Variants in CSF2RB observed in about 807,000 individuals in gnomAD.
The protein encoded by CSF2RB is colony stimulating factor 2 receptor subunit beta, also known as cytokine receptor common subunit beta.
CSF2RB carries 22 observed loss-of-function variants against 67.2 expected under a neutral mutation model. That is an observed-to-expected ratio of 0.33 (90% CI 0.23 to 0.47). CSF2RB has a LOEUF of 0.47. CSF2RB is among the 20% of genes least tolerant of loss of function. The probability of loss-of-function intolerance (pLI) is 1.00; values close to 1 mark genes in which losing one functional copy is unlikely to be tolerated. For synonymous variants in CSF2RB, 507 were observed against 482.9 expected, an observed-to-expected ratio of 1.05 and a Z score of -0.65; for missense variants, 1,113 against 1,174.5, an observed-to-expected ratio of 0.95 and a Z score of 0.76.
At chr22:36,931,867 G>A (rs1352312054) in intron 8 of CSF2RB, among the ~76,000 whole-genome samples, 1 of 152,076 alleles carries the variant, frequency 6.6e-6, no homozygotes, top group African/African-American at 2.4e-5. Flanking sequence ...GCTTTATTGG[G>A]GATTTTCTGG....
At chr22:36,935,538 C>T in intron 11 of CSF2RB, 92 bp from the exon 12 acceptor site, 1 of 1,607,808 alleles carries the variant, frequency 6.2e-7, no homozygotes, top group African/African-American at 1.3e-5. Flanking sequence ...CTGCCGCTCC[C>T]TTCCTGGGCC....
rs749965216 is a variant in CSF2RB, at chr22:36,930,509, G to A, written c.853G>A (p.Gly285Arg). ...ATTCTACAAGCCCAGCCCAGATGCA[G>A]GGTGAGCATCTTTTTTCTCCATCCC... ...GLFYKPSPDA[G>R]EEECSPVLRE... Residue 285 changes from glycine to arginine, a missense_variant and splice_region_variant, in exon 7 of 14, where the codon GGG becomes AGG. By Grantham distance (125) the Gly-to-Arg change is moderately radical. Transcript: ENST00000403662. 10 of 1,613,282 alleles carry A rather than the reference G, an allele frequency of 6.2e-6. No homozygotes were observed. Among genetic ancestry groups the A allele is most frequent in the African/African-American group, 5.3e-5 (4 of 74,884 alleles).
At chr22:36,936,474 C>T in intron 12 of CSF2RB, 75 bp from the exon 13 acceptor site, 1 of 1,135,864 alleles carries the variant, frequency 8.8e-7, no homozygotes, top group Middle Eastern at 2.8e-4. Flanking sequence ...TCCTCCTGCA[C>T]CCCCGTCACC....
Position 36,938,543 on chromosome 22 carries a change from G to T in CSF2RB, c.*41G>T. On this transcript the variant is annotated 3_prime_UTR_variant, in exon 14 of 14. Coordinates refer to ENST00000403662, the MANE Select transcript of CSF2RB (RefSeq NM_000395.3). ...ACAGGCAAGGGGATGGAGAGGGCTT[G>T]CCTTCCCTCCCGCCTGACCTTCCTC... The T allele has an allele frequency of 1.3e-6, 2 of 1,574,584 alleles. No homozygotes were observed. The highest frequency in any genetic ancestry group is 1.7e-6 in the Non-Finnish European group (2 of 1,159,134).
intron 1 of CSF2RB, among the ~76,000 whole-genome samples, chr22:36,919,779 G>C (rs1160920877): frequency 6.6e-6 from 1 of 152,112 alleles, no homozygotes; most frequent in Non-Finnish European, 1.5e-5. Context: ...TCTTTGCATA[G>C]AAGTGTCTTC....
chr22:36,940,266 T>A lies in CSF2RB; in HGVS notation c.*1764T>A, dbSNP rs1941356402. 6.6e-6 allele frequency: 1 copy of A among 152,272 alleles called. No individual in the cohort carries two copies. Among genetic ancestry groups the A allele is most frequent in the Non-Finnish European group, 1.5e-5 (1 of 68,054 alleles). The allele number at this position is 152,272 out of a possible 1,614,324, so 9.4% of individuals were successfully genotyped here. A position where few individuals can be genotyped will look rare whatever the true frequency, so the allele number is the denominator to read the frequency against. ...AAGAAAATGATAAACAACTTGAATG[T>A]TCAATGGTCCTGAAATACATAACAA... On this transcript the variant is annotated 3_prime_UTR_variant, in exon 14 of 14. Coordinates refer to ENST00000403662, the MANE Select transcript of CSF2RB (RefSeq NM_000395.3).
chr22:36,914,533 G>A (rs1470861738), intron 1 of CSF2RB, among the ~76,000 whole-genome samples: 1 of 152,022 alleles, frequency 6.6e-6, no homozygotes, highest in African/African-American at 2.4e-5. Flanking sequence ...TGCTGGCTGG[G>A]TGGGTGGGTA....
rs1941318238 is a variant in CSF2RB at position 36,938,257 on chromosome 22, C to G, written c.2449C>G (p.Gln817Glu). The change falls in exon 14 of 14, where the codon CAG (glutamine) becomes GAG (glutamate). Residue 817 changes from glutamine to glutamate, a missense_variant. By Grantham distance (29) the Gln-to-Glu change is conservative (BLOSUM62 2). Coordinates refer to ENST00000403662, the MANE Select transcript of CSF2RB (RefSeq NM_000395.3). ...SPQPEGLLVL[Q>E]QVGDYCFLPG... ...ACAGCCCGAGGGCCTCCTTGTCCTG[C>G]AGCAAGTGGGCGACTATTGCTTCCT... 6.2e-7 allele frequency: 1 copy of G among 1,614,078 alleles called. No individual in the cohort carries two copies. The highest frequency in any genetic ancestry group is 1.7e-5 in the Admixed American group (1 of 60,014).
intron 1 of CSF2RB, among the ~76,000 whole-genome samples, chr22:36,919,252 C>T (rs1288003352): frequency 6.6e-6 from 1 of 152,198 alleles, no homozygotes; most frequent in Non-Finnish European, 1.5e-5. Flanking sequence ...CTCTCCACCC[C>T]CTGCTTCTGA....
At chr22:36,931,111 C>T (rs563174080) in intron 8 of CSF2RB, among the ~76,000 whole-genome samples, 1 of 152,254 alleles carries the variant, frequency 6.6e-6, no homozygotes, top group African/African-American at 2.4e-5. Context: ...GCCACACCCT[C>T]CTGGTCCTGT....
Position 36,937,707 on chromosome 22 carries a change from TG to T in CSF2RB, c.1905del (p.Gln636ArgfsTer62). On this transcript the variant is annotated frameshift_variant, in exon 14 of 14. Coordinates refer to ENST00000403662, the MANE Select transcript of CSF2RB (RefSeq NM_000395.3). LOFTEE classifies it low-confidence loss of function (END_TRUNC). The surrounding 1 kb of genome is among the most constrained non-coding windows in gnomAD (Gnocchi z 4.6). ...GSLEYLCLPA[G>X]GQVQLVPLAQ... ...CCCTGGAGTACCTGTGTCTGCCTGCTGGGGGGCAGGTGCAACTGGTCCCTCT... is the reference window on the plus strand; with the variant it reads ...CCCTGGAGTACCTGTGTCTGCCTGCTGGGGGCAGGTGCAACTGGTCCCTCT... 6.4e-7 allele frequency: 1 copy of T among 1,555,758 alleles called. No homozygotes were observed. Among genetic ancestry groups the T allele is most frequent in the Non-Finnish European group, 8.7e-7 (1 of 1,149,508 alleles).
rs370532273 is a variant in CSF2RB at position 36,923,433 on chromosome 22, C to A, written c.200+66C>A. ...GACGTCCCCTGTGCCTGGCATGGGG[C>A]GACAGTGTAGAGAGGGACCTGTCAG... On this transcript the variant is annotated intron_variant, in intron 3 of 13. Transcript: ENST00000403662. 1.9e-4 allele frequency: 305 copies of A among 1,580,560 alleles called. No homozygotes were observed. The East Asian group carries it at 3.2e-3, about 17-fold the overall frequency.
At chr22:36,926,825 G>C (rs987781750) in intron 4 of CSF2RB, among the ~76,000 whole-genome samples, 1 of 152,218 alleles carries the variant, frequency 6.6e-6, no homozygotes, top group Non-Finnish European at 1.5e-5. Flanking sequence ...TCAAGGAAAT[G>C]GTTGCTTAGA....
At chr22:36,916,142 G>A (rs575432626) in intron 1 of CSF2RB, among the ~76,000 whole-genome samples, 28 of 152,028 alleles carry the variant, frequency 1.8e-4, no homozygotes, top group Non-Finnish European at 3.8e-4. Context: ...TTACTTTATG[G>A]TTTCTGATTT....
intron 12 of CSF2RB, 23 bp downstream of exon 12, chr22:36,935,710 G>A (rs201609349): frequency 5.1e-4 from 819 of 1,608,660 alleles, no homozygotes; most frequent in Non-Finnish European, 6.5e-4. Flanking sequence ...TGCGAGGGGC[G>A]GAGTGGGGGC....
chr22:36,921,900 C>A, intron 1 of CSF2RB, 136 bp from the exon 2 acceptor site: 1 of 519,194 alleles, frequency 1.9e-6, no homozygotes, highest in Non-Finnish European at 3.5e-6. Flanking sequence ...AGCGCATGTC[C>A]ATTGCCTTCA....
intron 9 of CSF2RB, 36 bp downstream of exon 9, chr22:36,932,940 G>A: frequency 6.2e-7 from 1 of 1,611,216 alleles, no homozygotes; most frequent in South Asian, 1.1e-5. Context: ...AGAAACACTG[G>A]GGAGGGCGGG....
At position 36,938,388 on chromosome 22, in the gene CSF2RB, C is replaced by G; in HGVS notation, c.2580C>G (p.Pro860=). ...NLDQAFQVKK[P]PGQAVPQVPV... ...ACCAGGCTTTTCAAGTCAAGAAGCC[C>G]CCAGGCCAGGCTGTGCCCCAGGTGC... Residue 860 remains proline, a synonymous_variant, in exon 14 of 14, where the codon CCC becomes CCG. Coordinates refer to ENST00000403662, the MANE Select transcript of CSF2RB (RefSeq NM_000395.3). 6.2e-7 allele frequency: 1 copy of G among 1,614,194 alleles called. No homozygotes were observed. The highest frequency in any genetic ancestry group is 1.6e-4 in the Middle Eastern group (1 of 6,062).
rs534952788 is a variant in CSF2RB, at chr22:36,929,989, A to G, written c.718+182A>G. On this transcript the variant is annotated intron_variant, in intron 6 of 13. Coordinates refer to ENST00000403662, the MANE Select transcript of CSF2RB (RefSeq NM_000395.3). ...TGACCACTGACCAGTAGGACTCTGC[A>G]TCTGTTCACTTTGGGTTTCCAGTTT... Among the ~76,000 whole-genome samples, 10 of 152,316 alleles carry G rather than the reference A, an allele frequency of 6.6e-5. No homozygotes were observed. In the East Asian group the frequency reaches 1.5e-3, roughly 24 times the overall value.
Sources: gnomAD v4.1 joint callset for allele counts (sites outside exome capture counted in the v4.1 genomes callset) on GRCh38, gnomAD v4.1.1 for gene constraint, Gnocchi (gnomAD v3.1) non-coding constraint, MANE v1.5 for transcripts, NCBI Gene and HGNC (gene_info 2026-07-23, HGNC 2026-07-21) for gene names.